Variants in DMD observed in about 807,000 individuals in gnomAD.
DMD encodes the protein mutant dystrophin.
A neutral mutation model predicts 330.1 loss-of-function variants in DMD; 63 were observed. The ratio of observed to expected loss-of-function variants is 0.19; its 90% CI spans 0.16 to 0.24. DMD has a LOEUF of 0.24. DMD is among the 10% of genes least tolerant of loss of function. DMD has a pLI of 1.00. For synonymous variants in DMD, 1,223 were observed against 959.8 expected, an observed-to-expected ratio of 1.27 and a Z score of -5.07; for missense variants, 3,344 against 2,684.1, an observed-to-expected ratio of 1.25 and a Z score of -5.43.
At chrX:32,135,987 C>T (rs778203045) in intron 44 of DMD, among the ~76,000 whole-genome samples, 59 of 110,981 alleles carry the variant, frequency 5.3e-4, no homozygotes, top group Non-Finnish European at 9.1e-4. Flanking sequence ...ATTTAGAATT[C>T]GTTGTATTAA....
At chrX:32,673,402 A>T (rs2061755752) in intron 9 of DMD, among the ~76,000 whole-genome samples, 1 of 111,240 alleles carries the variant, frequency 9.0e-6, no homozygotes, top group Admixed American at 9.6e-5. Flanking sequence ...GAAAGAAAAA[A>T]CCTCATGCTA....
chrX:33,088,530 A>T (rs2095039634), intron 1 of DMD, among the ~76,000 whole-genome samples: 1 of 111,067 alleles, frequency 9.0e-6, no homozygotes, highest in Admixed American at 9.7e-5. Flanking sequence ...TCGTATGTGC[A>T]TTAGAGAGCT....
chrX:32,844,711 G>T (rs757420486), intron 4 of DMD, 72 bp downstream of exon 4: 133 of 914,161 alleles, frequency 1.5e-4, no homozygotes, highest in Non-Finnish European at 2.1e-4. Flanking sequence ...CTGCATTTGG[G>T]GCCAAAGCCC....
intron 44 of DMD, among the ~76,000 whole-genome samples, chrX:32,100,402 T>TATAC (rs1358777279): frequency 1.9e-5 from 2 of 107,022 alleles, no homozygotes; most frequent in African/African-American, 6.8e-5. Context: ...TATATATATA[T>TATAC]ATATTAGCTA....
intron 44 of DMD, among the ~76,000 whole-genome samples, chrX:32,135,593 T>A (rs1194339196): frequency 2.7e-5 from 3 of 111,185 alleles, no homozygotes; most frequent in African/African-American, 6.5e-5. Context: ...CATGGTGGCG[T>A]GCGCCAGTAG....
At chrX:31,378,241 C>G (rs944629968) in intron 60 of DMD, among the ~76,000 whole-genome samples, 10 of 111,752 alleles carry the variant, frequency 8.9e-5, no homozygotes, top group African/African-American at 3.3e-4. Flanking sequence ...CTGCTCCTTG[C>G]TCTGTGAGAA....
chrX:32,164,062 C>T lies in DMD; in HGVS notation c.6438+52854G>A, dbSNP rs1482706718. 3.6e-5 allele frequency among the ~76,000 whole-genome samples: 4 copies of T among 111,255 alleles called. No homozygotes were observed. The Admixed American group carries it at 3.8e-4, about 11-fold the overall frequency. ...AAATGTCACCTCATAGAGGTCTGCC[C>T]AGAGTGTCATACATAAAATATCAAT... On this transcript the variant is annotated intron_variant, in intron 44 of 78. Coordinates refer to ENST00000357033, the MANE Select transcript of DMD (RefSeq NM_004006.3).
intron 39 of DMD, among the ~76,000 whole-genome samples, chrX:32,345,548 C>T (rs774163211): frequency 1.8e-5 from 2 of 110,695 alleles, no homozygotes; most frequent in South Asian, 7.6e-4. Context: ...AAAAATTGGA[C>T]CTAATGCAAG....
chrX:31,392,837 T>C (rs940056445), intron 60 of DMD, among the ~76,000 whole-genome samples: 51 of 112,402 alleles, frequency 4.5e-4, no homozygotes, highest in African/African-American at 1.6e-3. Context: ...AGATAGAGAA[T>C]GAATGTCACA....
intron 12 of DMD, among the ~76,000 whole-genome samples, chrX:32,598,684 T>C (rs2149277858): frequency 8.9e-6 from 1 of 112,416 alleles, no homozygotes; most frequent in African/African-American, 3.2e-5. Context: ...GTCTATGTGA[T>C]CAAACGTACT....
At chrX:31,414,648 C>T (rs1029329181) in intron 60 of DMD, among the ~76,000 whole-genome samples, 4 of 112,100 alleles carry the variant, frequency 3.6e-5, no homozygotes, top group African/African-American at 6.5e-5. Context: ...ACATTTCTTC[C>T]GCTCATCTGA....
At chrX:31,538,333 C>T (rs187162894) in intron 55 of DMD, among the ~76,000 whole-genome samples, 1 of 112,177 alleles carries the variant, frequency 8.9e-6, no homozygotes, top group Admixed American at 9.4e-5. Flanking sequence ...ATTTGGATTT[C>T]AGGTTTTTGG....
chrX:32,737,090 T>C lies in DMD; in HGVS notation c.650-37797A>G, dbSNP rs767252582. 5.4e-5 allele frequency among the ~76,000 whole-genome samples: 6 copies of C among 110,215 alleles called. No homozygotes were observed. The South Asian group carries it at 1.5e-3, about 28-fold the overall frequency. On this transcript the variant is annotated intron_variant, in intron 7 of 78. Coordinates refer to ENST00000357033, the MANE Select transcript of DMD (RefSeq NM_004006.3). The stretch of plus-strand genomic sequence containing the variant: ...GAAAATTGTTTCATATGTTATTATC[T>C]TTACCAAAAAATAAAAATCACCACC...
chrX:31,794,273 T>C (rs73461859), intron 50 of DMD, among the ~76,000 whole-genome samples: 62 of 111,367 alleles, frequency 5.6e-4, no homozygotes, highest in African/African-American at 1.8e-3. Context: ...AATAGTAATA[T>C]ACTATTATTG....
intron 54 of DMD, 75 bp from the exon 55 acceptor site, chrX:31,627,937 A>C: frequency 1.0e-6 from 1 of 999,179 alleles, no homozygotes; most frequent in Non-Finnish European, 1.4e-6. Context: ...ATAAAAAGAG[A>C]AAGATGGAGG....
At chrX:32,342,069 C>T (rs1479831697) in intron 41 of DMD, 31 bp downstream of exon 41, 1 of 1,190,859 alleles carries the variant, frequency 8.4e-7, no homozygotes, top group Non-Finnish European at 1.1e-6. Context: ...TAGTTGCAAA[C>T]ACATACGTGG....
intron 48 of DMD, among the ~76,000 whole-genome samples, chrX:31,837,846 G>C (rs903075858): frequency 8.9e-6 from 1 of 112,203 alleles, no homozygotes; most frequent in Non-Finnish European, 1.9e-5. Flanking sequence ...ATTTACGGGT[G>C]CTCAGCACAT....
At chrX:32,840,746 T>C (rs1387073938) in intron 4 of DMD, among the ~76,000 whole-genome samples, 2 of 112,303 alleles carry the variant, frequency 1.8e-5, no homozygotes, top group Admixed American at 1.9e-4. Context: ...ATCTTGTATA[T>C]TGTGTGTAGC....
intron 1 of DMD, among the ~76,000 whole-genome samples, chrX:33,040,511 CAAG>C (rs1248697752): frequency 1.8e-5 from 2 of 110,769 alleles, no homozygotes; most frequent in African/African-American, 6.6e-5. Context: ...GAGGATGGAA[CAAG>C]AAGATAGAAA....
Sources: allele counts gnomAD v4.1 joint callset (sites outside exome capture counted in the v4.1 genomes callset), GRCh38; gene constraint gnomAD v4.1.1; transcripts MANE v1.5; gene names NCBI Gene and HGNC (gene_info 2026-07-23, HGNC 2026-07-21).